The following ITGA6 variants were observed in gnomAD, a reference collection of about 807,000 sequenced individuals.
The protein encoded by ITGA6 is integrin alpha-6.
ITGA6 carries 63 observed loss-of-function variants against 133.6 expected under a neutral mutation model. That is an observed-to-expected ratio of 0.47 (90% confidence interval 0.38 to 0.58). ITGA6 has a LOEUF of 0.58. Among genes scored for constraint, ITGA6 ranks in the 20% least tolerant of loss-of-function variants. The pLI, the probability that ITGA6 is intolerant of heterozygous loss-of-function variation, is 0.00. For missense variants in ITGA6, 1,068 were observed against 1,309.4 expected (o/e 0.82, Z 2.85); for synonymous variants, 434 against 482.0 (o/e 0.90, Z 1.30).
intron 1 of ITGA6, among the ~76,000 whole-genome samples, chr2:172,453,217 A>G (rs1017612352): frequency 1.3e-5 from 2 of 148,604 alleles, no homozygotes; most frequent in East Asian, 2.0e-4. Flanking sequence ...CTGTTACACA[A>G]TTTTTTTTTT....
At chr2:172,492,616 A>G (rs1441514490) in intron 23 of ITGA6, among the ~76,000 whole-genome samples, 2 of 152,206 alleles carry the variant, frequency 1.3e-5, no homozygotes, top group Admixed American at 6.5e-5. Flanking sequence ...TAGTGAACCA[A>G]TAGTGAGGGG....
chr2:172,456,007 G>C lies in ITGA6; in HGVS notation c.183-9532G>C, dbSNP rs367672288. 7.2e-5 allele frequency among the ~76,000 whole-genome samples: 11 copies of C among 152,164 alleles called. No homozygotes were observed. In the South Asian group the frequency reaches 1.9e-3, roughly 26 times the overall value. On this transcript the variant is annotated intron_variant, in intron 1 of 25. Coordinates refer to ENST00000684293, the MANE Select transcript of ITGA6 (RefSeq NM_000210.4). ...CACCAGGTGGGGAAGGCAGGGAAGT[G>C]GGGGGACCCTTAACTAAAGAGAGGA...
chr2:172,432,308 A>G (rs1442121215), intron 1 of ITGA6, among the ~76,000 whole-genome samples: 1 of 152,240 alleles, frequency 6.6e-6, no homozygotes, highest in Non-Finnish European at 1.5e-5. Context: ...ATTGTGTCTG[A>G]CAATTCTGAT....
At chr2:172,495,774 C>T (rs1687102497) in intron 23 of ITGA6, among the ~76,000 whole-genome samples, 1 of 152,188 alleles carries the variant, frequency 6.6e-6, no homozygotes, top group African/African-American at 2.4e-5. Flanking sequence ...TTCCCATCCA[C>T]CCTGCCACTC....
chr2:172,475,245 A>C (rs1248420645), intron 7 of ITGA6, 123 bp downstream of exon 7: 29 of 735,820 alleles, frequency 3.9e-5, no homozygotes, highest in Non-Finnish European at 5.6e-5. Context: ...AGGTGGGCGG[A>C]TCACCTGAGG....
At chr2:172,460,047 A>G (rs1374344328) in intron 1 of ITGA6, among the ~76,000 whole-genome samples, 1 of 152,260 alleles carries the variant, frequency 6.6e-6, no homozygotes, top group African/African-American at 2.4e-5. Context: ...TACACAAAGC[A>G]ATTGATAGAA....
At chr2:172,461,567 C>T (rs1331196431) in intron 1 of ITGA6, among the ~76,000 whole-genome samples, 1 of 152,212 alleles carries the variant, frequency 6.6e-6, no homozygotes, top group Non-Finnish European at 1.5e-5. Context: ...GCTCTTTCCT[C>T]CTTCAAACGT....
intron 8 of ITGA6, 40 bp downstream of exon 8, chr2:172,475,725 C>T (rs2149049668): frequency 9.3e-7 from 1 of 1,076,212 alleles, no homozygotes. Flanking sequence ...AGAGTCTCAA[C>T]TTTTTGCCCT....
intron 1 of ITGA6, among the ~76,000 whole-genome samples, chr2:172,457,155 T>A (rs10208194): frequency 0.19 from 28,718 of 151,818 alleles, 3,414 homozygotes; most frequent in African/African-American, 0.33. Context: ...TTAGCCAGGC[T>A]TGGTGGCGGG....
Position 172,501,837 on chromosome 2 carries a change from T to G in ITGA6, c.3180T>G (p.His1060Gln). 1 of 1,607,000 alleles carries G rather than the reference T, an allele frequency of 6.2e-7. No homozygotes were observed. The highest frequency in any genetic ancestry group is 1.1e-5 in the South Asian group (1 of 90,926). ...YDATYHKAEI[H>Q]AQPSDKERLT... ...CCACATATCACAAGGCTGAGATCCA[T>G]GCTCAGCCATCTGATAAAGAGAGGC... Residue 1060 changes from histidine (H) to glutamine (Q), a missense_variant, in exon 25 of 26, where the codon CAT (histidine) becomes CAG (glutamine). Around this residue, in one of 3 missense-constraint regions of ITGA6, gnomAD observed 609 missense variants for 707.2 expected, o/e 0.86. Coordinates refer to ENST00000684293, the MANE Select transcript of ITGA6 (RefSeq NM_000210.4).
At position 172,467,955 on chromosome 2, in the gene ITGA6, G is replaced by T. The variant is rs28422795; in HGVS notation, c.387+395G>T. Among the ~76,000 whole-genome samples the T allele has an allele frequency of 3.7e-5, 5 of 133,820 alleles. No individual in the cohort carries two copies. The East Asian group carries it at 2.7e-3, about 73-fold the overall frequency. The allele number at this position is 133,820 out of a possible 152,430, so 87.8% of individuals were successfully genotyped here. A position where few individuals can be genotyped will look rare whatever the true frequency, so the allele number is the denominator to read the frequency against. ...GAGCAAAACTCCATCTCAAAAAAAAGAAAAAAAAAGAAGAAGTAATCACGT... is the reference window on the plus strand; with the variant it reads ...GAGCAAAACTCCATCTCAAAAAAAATAAAAAAAAAGAAGAAGTAATCACGT... On this transcript the variant is annotated intron_variant, in intron 3 of 25. Coordinates refer to ENST00000684293, the MANE Select transcript of ITGA6 (RefSeq NM_000210.4).
intron 1 of ITGA6, among the ~76,000 whole-genome samples, chr2:172,457,698 T>C (rs1685267518): frequency 6.6e-6 from 1 of 152,144 alleles, no homozygotes; most frequent in African/African-American, 2.4e-5. Flanking sequence ...TGAGGAGTGG[T>C]AGTCATGATA....
In ITGA6 at chr2:172,465,314, T is replaced by C. The variant is rs1040807214; in HGVS notation, c.183-225T>C. ...ACTATGAGAGACAGGCCTATTTTCC[T>C]CGTTTTGGTATCCCCTCTTTGGCTT... On this transcript the variant is annotated intron_variant, in intron 1 of 25. Transcript: ENST00000684293. The C allele has an allele frequency of 9.9e-6, 6 of 604,094 alleles. No homozygotes were observed. In the African/African-American group the frequency reaches 1.1e-4, roughly 11 times the overall value. 37.4% of individuals were successfully genotyped at this position (604,094 alleles called of 1,614,324 possible). A position where few individuals can be genotyped will look rare whatever the true frequency, so the allele number is the denominator to read the frequency against.
chr2:172,427,514 G>A, upstream of ITGA6: 1 of 1,125,498 alleles, frequency 8.9e-7, no homozygotes, highest in Middle Eastern at 3.8e-4. Context: ...CGCAAGGAGG[G>A]GCGAGAGGGT....
chr2:172,441,558 T>TAAAAAAAA lies in ITGA6; in HGVS notation c.182+13588_182+13589insAAAAAAAA, dbSNP rs1559116474. Among the ~76,000 whole-genome samples the TAAAAAAAA allele has an allele frequency of 7.6e-4, 49 of 64,854 alleles. 6 individuals are homozygous for TAAAAAAAA. The highest frequency in any genetic ancestry group is 2.9e-3 in the African/African-American group (47 of 16,044). The allele number at this position is 64,854 out of a possible 152,430, so 42.5% of individuals were successfully genotyped here. Reference sequence around the variant, plus strand: ...GTAACAGAGTGGAGACGCTGTCTCTTTAAAAAAAAAAAAAAAAAAAAAAAA... The same window carrying TAAAAAAAA: ...GTAACAGAGTGGAGACGCTGTCTCTTAAAAAAAATAAAAAAAAAAAAAAAAAAAAAAAA... On this transcript the variant is annotated intron_variant, in intron 1 of 25. Transcript: ENST00000684293.
chr2:172,450,973 TTGTGTGTG>T (rs768360677), intron 1 of ITGA6, among the ~76,000 whole-genome samples: 1 of 147,624 alleles, frequency 6.8e-6, no homozygotes, highest in South Asian at 2.1e-4. Context: ...TAAATATATT[TTGTGTGTG>T]TGTATATATA....
At position 172,485,257 on chromosome 2, in the gene ITGA6, A is replaced by G. The variant is rs777424993; in HGVS notation, c.1847A>G (p.His616Arg). Residue 616 changes from histidine to arginine, a missense_variant, in exon 13 of 26, where the codon CAT becomes CGT. Transcript: ENST00000684293. ...AATTCAGATGAACCCAAGACAGCTC[A>G]TATTGATGTAAGTCTCTCTGACTTT... ...ILNSDEPKTA[H>R]IDVHFLKEGC... 6.2e-7 allele frequency: 1 copy of G among 1,613,808 alleles called. No homozygotes were observed. Among genetic ancestry groups the G allele is most frequent in the Non-Finnish European group, 8.5e-7 (1 of 1,179,740 alleles).
chr2:172,436,620 C>T (rs546782141), intron 1 of ITGA6, among the ~76,000 whole-genome samples: 4 of 152,252 alleles, frequency 2.6e-5, no homozygotes, highest in South Asian at 2.1e-4. Flanking sequence ...CATGTTTTAA[C>T]CCAAAAGAAA....
intron 2 of ITGA6, among the ~76,000 whole-genome samples, 169 bp from the exon 3 acceptor site, chr2:172,467,312 C>A (rs75357590): frequency 0.022 from 3,373 of 152,322 alleles, 45 homozygotes; most frequent in South Asian, 0.054. Flanking sequence ...AAAACCACAT[C>A]TCTGTTTCCT....
Sources: allele counts gnomAD v4.1 joint callset (sites outside exome capture counted in the v4.1 genomes callset), GRCh38; gene constraint gnomAD v4.1.1; regional missense constraint gnomAD v4.1.1; transcripts MANE v1.5; gene names NCBI Gene and HGNC (gene_info 2026-07-23, HGNC 2026-07-21).